IL7: variants seen among roughly 807,000 people sequenced by gnomAD.
The protein encoded by IL7 is interleukin 7.
IL7 carries 3 observed loss-of-function variants against 21.6 expected under a neutral mutation model. The ratio of observed to expected loss-of-function variants is 0.14; its 90% CI spans 0.06 to 0.36. The LOEUF is 0.36. Ranked by LOEUF, IL7 falls within the 10% of genes least tolerant of loss-of-function variation. IL7 has a pLI of 1.00. For missense variants in IL7, 175 were observed against 200.2 expected, an observed-to-expected ratio of 0.87 and a Z score of 0.76; for synonymous variants, 62 against 68.1, an observed-to-expected ratio of 0.91 and a Z score of 0.44.
chr8:78,738,455 C>T, intron 4 of IL7, 49 bp downstream of exon 4: 2 of 1,505,008 alleles, frequency 1.3e-6, no homozygotes, highest in Non-Finnish European at 1.8e-6. Context: ...GGTATCTTGG[C>T]ACAGGAGTAT....
chr8:78,739,718 A>G (rs1811715897), intron 3 of IL7, among the ~76,000 whole-genome samples: 1 of 152,032 alleles, frequency 6.6e-6, no homozygotes, highest in Non-Finnish European at 1.5e-5. Context: ...AAAGAAAGAA[A>G]GAAAGAAAAT....
intron 2 of IL7, among the ~76,000 whole-genome samples, chr8:78,787,088 G>A (rs1813535308): frequency 6.6e-6 from 1 of 152,186 alleles, no homozygotes; most frequent in African/African-American, 2.4e-5. Context: ...CTCTTCATCT[G>A]TACCTTTGTA....
chr8:78,675,395 C>T (rs1049166657), downstream of IL7, among the ~76,000 whole-genome samples: 42 of 151,900 alleles, frequency 2.8e-4, 1 homozygote, highest in Non-Finnish European at 1.5e-5. Context: ...TCACTGAACT[C>T]ATCACTAATG....
At chr8:78,795,980 G>A (rs536637743) in intron 2 of IL7, among the ~76,000 whole-genome samples, 51 of 152,074 alleles carry the variant, frequency 3.4e-4, no homozygotes, top group Admixed American at 5.9e-4. Flanking sequence ...AGTAAAAGTC[G>A]GGGGACAGAT....
intron 3 of IL7, among the ~76,000 whole-genome samples, chr8:78,725,487 T>C (rs926258762): frequency 6.6e-6 from 1 of 151,988 alleles, no homozygotes; most frequent in African/African-American, 2.4e-5. Context: ...TCTATGCATT[T>C]CCCAATAGCT....
chr8:78,740,165 A>C (rs1160158117), intron 2 of IL7, 83 bp from the exon 3 acceptor site: 9 of 793,394 alleles, frequency 1.1e-5, no homozygotes, highest in Non-Finnish European at 1.4e-5. Flanking sequence ...ATAATCTTAT[A>C]ATATCTGATA....
At chr8:78,688,101 TAG>T in intron 3 of IL7, among the ~76,000 whole-genome samples, 2 of 151,488 alleles carry the variant, frequency 1.3e-5, no homozygotes, top group Non-Finnish European at 2.9e-5. Context: ...AACCCTGTTC[TAG>T]AGTATTAATA....
chr8:78,706,882 A>G (rs1454851144), intron 3 of IL7, among the ~76,000 whole-genome samples: 1 of 152,148 alleles, frequency 6.6e-6, no homozygotes, highest in African/African-American at 2.4e-5. Flanking sequence ...TAGAAAAGGA[A>G]AAAAAAATCA....
chr8:78,752,727 A>T (rs1261944530), intron 2 of IL7, among the ~76,000 whole-genome samples: 1 of 151,974 alleles, frequency 6.6e-6, no homozygotes, highest in African/African-American at 2.4e-5. Context: ...TATCTCTCTT[A>T]ATGCTATCTC....
chr8:78,718,957 G>C (rs1811185504), intron 6 of IL7: 1 of 151,464 alleles, frequency 6.6e-6, no homozygotes, highest in African/African-American at 2.4e-5. Context: ...TATTAGCTTA[G>C]TTTAGTTTGG....
chr8:78,717,656 T>A, downstream of IL7: 1 of 670,850 alleles, frequency 1.5e-6, no homozygotes, highest in Non-Finnish European at 2.4e-6. Context: ...GTGTGTATGT[T>A]TATATGTGTA....
At chr8:78,761,792 C>G (rs867082268) in intron 2 of IL7, 2 of 1,612,024 alleles carry the variant, frequency 1.2e-6, no homozygotes, top group South Asian at 1.1e-5. Context: ...AACCTCTTCA[C>G]CAGAATTTAT....
chr8:78,695,438 A>G (rs886371927), intron 3 of IL7, among the ~76,000 whole-genome samples: 8 of 152,330 alleles, frequency 5.3e-5, no homozygotes, highest in African/African-American at 1.9e-4. Context: ...TTGACCTCTC[A>G]ATATGTAATA....
At chr8:78,723,250 A>G (rs1367889766) in intron 3 of IL7, among the ~76,000 whole-genome samples, 2 of 151,872 alleles carry the variant, frequency 1.3e-5, no homozygotes, top group Admixed American at 6.6e-5. Context: ...ATAGCTTTTA[A>G]TTATGTTTGT....
intron 5 of IL7, among the ~76,000 whole-genome samples, chr8:78,736,207 C>A (rs190471045): frequency 1.4e-5 from 2 of 147,986 alleles, no homozygotes; most frequent in Admixed American, 6.7e-5. Context: ...GTGCTAGCTG[C>A]AATATTTTAA....
rs1372612162 is a variant in IL7, at chr8:78,805,071, C to G, written c.-149G>C. ...TGATCTCTGCAGCTGGTTCCTCTTA[C>G]CCACGCCGCGACTGCAGTTTCATCC... On this transcript the variant is annotated 5_prime_UTR_variant, in exon 1 of 6. Transcript: ENST00000263851. 2 of 767,426 alleles carry G rather than the reference C, an allele frequency of 2.6e-6. No homozygotes were observed. The allele number at this position is 767,426 out of a possible 1,614,324, so 47.5% of individuals were successfully genotyped here.
chr8:78,787,859 A>T (rs564888222), intron 2 of IL7, among the ~76,000 whole-genome samples: 1 of 152,248 alleles, frequency 6.6e-6, no homozygotes, highest in East Asian at 1.9e-4. Flanking sequence ...AGGGTGGCTT[A>T]AAACAACAGA....
intron 3 of IL7, among the ~76,000 whole-genome samples, chr8:78,706,099 G>C (rs1468618633): frequency 6.6e-6 from 1 of 152,144 alleles, no homozygotes; most frequent in Non-Finnish European, 1.5e-5. Flanking sequence ...ACTCTCCAAA[G>C]CCTGCAGAAC....
At position 78,697,948 on chromosome 8, in the gene IL7, G is replaced by A. The variant is rs570004025; in HGVS notation, n.215-12001C>T. Among the ~76,000 whole-genome samples the A allele has an allele frequency of 2.0e-5, 3 of 152,222 alleles. No individual in the cohort carries two copies. In the East Asian group the frequency reaches 5.8e-4, roughly 29 times the overall value. On this transcript the variant is annotated intron_variant and non_coding_transcript_variant, in intron 3 of 4. Transcript: ENST00000523959. ...CAACCTGAGCCTCCTAAAGTGCTGAGATTACTGGCGTGAGCCACCGTGGTG... is the reference window on the plus strand; with the variant it reads ...CAACCTGAGCCTCCTAAAGTGCTGAAATTACTGGCGTGAGCCACCGTGGTG...
Sources: allele counts gnomAD v4.1 joint callset (sites outside exome capture counted in the v4.1 genomes callset), GRCh38; gene constraint gnomAD v4.1.1; transcripts MANE v1.5; gene names NCBI Gene and HGNC (gene_info 2026-07-23, HGNC 2026-07-21).